The following TCF7L2 variants were observed in gnomAD, a reference collection of about 807,000 sequenced individuals.
TCF7L2 encodes the protein transcription factor 7 like 2.
TCF7L2 carries 23 observed loss-of-function variants against 77.9 expected under a neutral mutation model. That is an observed-to-expected ratio of 0.30 (90% CI 0.21 to 0.42). TCF7L2 has a LOEUF of 0.42. Ranked by LOEUF, TCF7L2 falls within the 10% of genes least tolerant of loss-of-function variation. TCF7L2 has a pLI of 1.00. For synonymous variants in TCF7L2, 413 were observed against 340.2 expected, an observed-to-expected ratio of 1.21 and a Z score of -2.36; for missense variants, 654 against 793.1, an observed-to-expected ratio of 0.82 and a Z score of 2.11.
At chr10:113,163,642 A>G (rs2073552258) in intron 13 of TCF7L2, among the ~76,000 whole-genome samples, 1 of 152,098 alleles carries the variant, frequency 6.6e-6, no homozygotes, top group Admixed American at 6.5e-5. Flanking sequence ...AGCAGAACCC[A>G]TAGTCTATTT....
At chr10:113,105,661 C>T (rs1457647397) in intron 5 of TCF7L2, among the ~76,000 whole-genome samples, 2 of 152,198 alleles carry the variant, frequency 1.3e-5, no homozygotes, top group East Asian at 3.9e-4. Context: ...CCAATTCTTG[C>T]TCATTCAACA....
chr10:112,951,080 T>C (rs1015905666), intron 1 of TCF7L2, 127 bp from the exon 2 acceptor site: 42 of 1,304,710 alleles, frequency 3.2e-5, no homozygotes, highest in Middle Eastern at 2.4e-4. Context: ...GGTGCCACCA[T>C]TGCAAAAACT....
chr10:113,124,791 T>A (rs2065315339), intron 5 of TCF7L2, among the ~76,000 whole-genome samples: 2 of 151,782 alleles, frequency 1.3e-5, no homozygotes, highest in Non-Finnish European at 2.9e-5. Context: ...GATTGCGCAG[T>A]TCGTTAAGCT....
intron 5 of TCF7L2, among the ~76,000 whole-genome samples, chr10:113,128,376 G>T (rs1225344332): frequency 6.6e-6 from 1 of 152,092 alleles, no homozygotes; most frequent in East Asian, 1.9e-4. Context: ...GGTGGGGAGC[G>T]GCGAGGGTGA....
chr10:113,095,351 T>C (rs1034985442), intron 5 of TCF7L2, among the ~76,000 whole-genome samples: 3 of 152,202 alleles, frequency 2.0e-5, no homozygotes, highest in African/African-American at 7.2e-5. Flanking sequence ...CAGTTCATGC[T>C]CACTGGGTAG....
At chr10:113,064,988 C>G (rs1163144607) in intron 5 of TCF7L2, among the ~76,000 whole-genome samples, 2 of 152,188 alleles carry the variant, frequency 1.3e-5, no homozygotes, top group East Asian at 3.8e-4. Context: ...TATTTCCATG[C>G]ATATTCACCC....
intron 13 of TCF7L2, among the ~76,000 whole-genome samples, chr10:113,164,391 A>G (rs1412265861): frequency 6.6e-6 from 1 of 152,168 alleles, no homozygotes; most frequent in East Asian, 1.9e-4. Flanking sequence ...ACGAATCACG[A>G]TAACCCAAAC....
chr10:113,085,300 G>C (rs2135532721), intron 5 of TCF7L2, among the ~76,000 whole-genome samples: 1 of 151,482 alleles, frequency 6.6e-6, no homozygotes, highest in South Asian at 2.1e-4. Flanking sequence ...GAACTCTTGA[G>C]CTCAAGCAGT....
chr10:112,970,217 C>T (rs1205877173), intron 4 of TCF7L2, among the ~76,000 whole-genome samples: 1 of 151,972 alleles, frequency 6.6e-6, no homozygotes, highest in African/African-American at 2.4e-5. Context: ...CACACAAAGA[C>T]AACTAGGAGA....
chr10:113,051,456 A>G (rs2054467772), intron 5 of TCF7L2, among the ~76,000 whole-genome samples: 1 of 152,242 alleles, frequency 6.6e-6, no homozygotes, highest in Admixed American at 6.5e-5. Flanking sequence ...TTTTATGTTT[A>G]TAATAAAAAA....
In TCF7L2 at chr10:113,165,918, C is replaced by T. The variant is rs1243952836; in HGVS notation, c.1755C>T (p.Ser585=). ...CTTCTTCCTTACATTCCCACAGCTC[C>T]CTGGCCGGGACCCAGCCCCAGCCGC... The change falls in exon 14 of 14, where the codon TCC becomes TCT. Residue 585 remains serine (S), a synonymous_variant. Coordinates refer to ENST00000627217, the MANE Select transcript of TCF7L2 (RefSeq NM_001146274.2). The T allele has an allele frequency of 5.7e-6, 9 of 1,579,952 alleles. No homozygotes were observed. The highest frequency in any genetic ancestry group is 3.4e-5 in the South Asian group (3 of 87,200).
chr10:113,017,570 T>C (rs1474559854), intron 4 of TCF7L2, among the ~76,000 whole-genome samples: 3 of 152,230 alleles, frequency 2.0e-5, no homozygotes, highest in African/African-American at 7.2e-5. Flanking sequence ...GAGGGCTCTC[T>C]TGGGTGTGGC....
intron 4 of TCF7L2, among the ~76,000 whole-genome samples, chr10:113,024,685 T>C (rs1439658365): frequency 1.3e-5 from 2 of 148,654 alleles, no homozygotes; most frequent in Non-Finnish European, 3.0e-5. Context: ...AGTGGTGTGA[T>C]CTCGGCTCAC....
intron 3 of TCF7L2, 160 bp downstream of exon 3, chr10:112,951,767 A>C: frequency 4.7e-6 from 1 of 211,178 alleles, no homozygotes; most frequent in Non-Finnish European, 8.2e-6. Context: ...GAGGCCCGAA[A>C]CTCTCCAAAC....
chr10:113,111,382 AT>A (rs2063109518), intron 5 of TCF7L2, among the ~76,000 whole-genome samples: 1 of 152,218 alleles, frequency 6.6e-6, no homozygotes, highest in African/African-American at 2.4e-5. Flanking sequence ...CTGAATCAGT[AT>A]TTATTGAATC....
At chr10:113,073,637 A>G (rs1462766924) in intron 5 of TCF7L2, among the ~76,000 whole-genome samples, 1 of 149,036 alleles carries the variant, frequency 6.7e-6, no homozygotes, top group Admixed American at 6.7e-5. Context: ...GGCTGCAGTG[A>G]GCTGTGATTG....
chr10:113,076,926 T>A (rs566961641), intron 5 of TCF7L2, among the ~76,000 whole-genome samples: 1 of 152,372 alleles, frequency 6.6e-6, no homozygotes, highest in Admixed American at 6.5e-5. Flanking sequence ...TTGTTTAACC[T>A]GAATTTCATG....
intron 4 of TCF7L2, among the ~76,000 whole-genome samples, chr10:112,978,216 G>T (rs769552992): frequency 1.3e-5 from 2 of 152,164 alleles, no homozygotes; most frequent in African/African-American, 4.8e-5. Context: ...TTGAAATGGA[G>T]TCTAGAAGGT....
At chr10:113,156,232 A>G (rs1451400678) in intron 11 of TCF7L2, among the ~76,000 whole-genome samples, 2 of 150,542 alleles carry the variant, frequency 1.3e-5, no homozygotes, top group African/African-American at 4.9e-5. Flanking sequence ...CTCCTGTCTC[A>G]GCCTCCCCAG....
Sources: allele counts gnomAD v4.1 joint callset (sites outside exome capture counted in the v4.1 genomes callset), GRCh38; gene constraint gnomAD v4.1.1; transcripts MANE v1.5; gene names NCBI Gene and HGNC (gene_info 2026-07-23, HGNC 2026-07-21).